Variants in PPARGC1A observed in about 807,000 individuals in gnomAD.
The protein encoded by PPARGC1A is PPARG coactivator 1 alpha, also known as peroxisome proliferator-activated receptor gamma coactivator 1-alpha.
Under a neutral mutation model 88.7 loss-of-function variants are expected in PPARGC1A, and 25 were observed. The observed-to-expected ratio is 0.28, with a 90% CI of 0.21 to 0.39. PPARGC1A has a LOEUF of 0.39. Among genes scored for constraint, PPARGC1A ranks in the 10% least tolerant of loss-of-function variants. PPARGC1A has a pLI of 1.00. For synonymous variants in PPARGC1A, 363 were observed against 355.6 expected (o/e 1.02, Z -0.24); for missense variants, 880 against 968.7 (o/e 0.91, Z 1.22).
the PPARGC1A span, among the ~76,000 whole-genome samples, chr4:24,287,288 T>C: frequency 6.6e-6 from 1 of 151,998 alleles, no homozygotes; most frequent in Non-Finnish European, 1.5e-5. Flanking sequence ...TGGTTTATAA[T>C]GAGTCACAAA....
chr4:24,357,169 CT>C, the PPARGC1A span, among the ~76,000 whole-genome samples: 15 of 152,310 alleles, frequency 9.8e-5, no homozygotes, highest in East Asian at 2.7e-3. Flanking sequence ...CACTGGTTTC[CT>C]TACTCTCTCC....
intron 2 of PPARGC1A, among the ~76,000 whole-genome samples, chr4:23,870,615 G>A (rs1713100030): frequency 6.6e-6 from 1 of 152,090 alleles, no homozygotes. Flanking sequence ...TAAATCATAA[G>A]TAAAGCAAAA....
chr4:24,217,438 G>A, the PPARGC1A span, among the ~76,000 whole-genome samples: 752 of 152,266 alleles, frequency 4.9e-3, 7 homozygotes, highest in African/African-American at 0.017. Context: ...GCCGTTGTTC[G>A]GATGGAAGAG....
chr4:24,355,907 G>T, the PPARGC1A span, among the ~76,000 whole-genome samples: 961 of 152,290 alleles, frequency 6.3e-3, 22 homozygotes, highest in African/African-American at 0.022. Context: ...AAGAGATAAT[G>T]AGTTTACGGC....
the PPARGC1A span, among the ~76,000 whole-genome samples, chr4:24,180,458 G>GAA: frequency 2.6e-5 from 4 of 152,150 alleles, no homozygotes; most frequent in African/African-American, 9.7e-5. Context: ...TACGCTCTGG[G>GAA]AACCATTGTT....
At chr4:24,267,335 G>GT in the PPARGC1A span, among the ~76,000 whole-genome samples, 3 of 152,156 alleles carry the variant, frequency 2.0e-5, no homozygotes, top group Non-Finnish European at 4.4e-5. Flanking sequence ...AATAAAAGGC[G>GT]TAAGCCCCAG....
At chr4:24,391,732 A>G in the PPARGC1A span, among the ~76,000 whole-genome samples, 3 of 152,190 alleles carry the variant, frequency 2.0e-5, no homozygotes, top group African/African-American at 7.2e-5. Flanking sequence ...CGAGGCAGAA[A>G]ACAGCTGCCC....
the PPARGC1A span, among the ~76,000 whole-genome samples, chr4:23,967,972 G>T: frequency 6.6e-6 from 1 of 152,144 alleles, no homozygotes; most frequent in African/African-American, 2.4e-5. Context: ...AGAGGTGAAG[G>T]GAGAGAATGT....
At chr4:24,377,815 A>G in the PPARGC1A span, among the ~76,000 whole-genome samples, 6,780 of 152,308 alleles carry the variant, frequency 0.045, 527 homozygotes, top group African/African-American at 0.16. Context: ...AAATGCTGAC[A>G]TCAGGACACC....
At chr4:24,366,532 C>T in the PPARGC1A span, among the ~76,000 whole-genome samples, 17 of 152,130 alleles carry the variant, frequency 1.1e-4, no homozygotes, top group African/African-American at 3.9e-4. Flanking sequence ...CACAACACAA[C>T]CAACAACAAG....
the PPARGC1A span, among the ~76,000 whole-genome samples, chr4:24,081,429 G>A: frequency 6.6e-6 from 1 of 152,100 alleles, no homozygotes; most frequent in Non-Finnish European, 1.5e-5. Flanking sequence ...GTCTTTTAAA[G>A]TGGTACACAA....
chr4:24,247,816 G>A, the PPARGC1A span, among the ~76,000 whole-genome samples: 1 of 152,072 alleles, frequency 6.6e-6, no homozygotes, highest in Admixed American at 6.5e-5. Flanking sequence ...GAAGAGATTT[G>A]GTGATACAAA....
At chr4:23,994,785 AG>A in the PPARGC1A span, among the ~76,000 whole-genome samples, 12 of 152,166 alleles carry the variant, frequency 7.9e-5, no homozygotes, top group East Asian at 3.9e-4. Context: ...AGGACCCCAA[AG>A]TCCTATCAGA....
At chr4:23,959,216 C>G in the PPARGC1A span, among the ~76,000 whole-genome samples, 13 of 151,952 alleles carry the variant, frequency 8.6e-5, no homozygotes. Flanking sequence ...TCAATGGAGT[C>G]AACATGAGGA....
the PPARGC1A span, among the ~76,000 whole-genome samples, chr4:24,296,020 G>A: frequency 2.0e-5 from 1 of 49,446 alleles, no homozygotes; most frequent in South Asian, 6.5e-4. Context: ...GTATATATAT[G>A]TATATGTGTG....
At chr4:24,026,131 T>C in the PPARGC1A span, among the ~76,000 whole-genome samples, 1 of 152,182 alleles carries the variant, frequency 6.6e-6, no homozygotes, top group Non-Finnish European at 1.5e-5. Flanking sequence ...GATCTGACAG[T>C]CCTGGATCGG....
the PPARGC1A span, among the ~76,000 whole-genome samples, chr4:24,442,383 A>G: frequency 6.6e-6 from 1 of 152,196 alleles, no homozygotes; most frequent in African/African-American, 2.4e-5. Context: ...TTAAAGAGGC[A>G]ATTTATTTTT....
At chr4:24,025,048 C>T in the PPARGC1A span, among the ~76,000 whole-genome samples, 1 of 152,154 alleles carries the variant, frequency 6.6e-6, no homozygotes, top group African/African-American at 2.4e-5. Flanking sequence ...GAGCTAGAAA[C>T]GCACCCTGTT....
At chr4:23,880,557 T>TA (rs1715718957) in intron 2 of PPARGC1A, among the ~76,000 whole-genome samples, 1 of 152,208 alleles carries the variant, frequency 6.6e-6, no homozygotes, top group South Asian at 2.1e-4. Context: ...GATAGGTACA[T>TA]AATATATGTC....
Sources: allele counts gnomAD v4.1 joint callset (sites outside exome capture counted in the v4.1 genomes callset), GRCh38; gene constraint gnomAD v4.1.1; transcripts MANE v1.5; gene names NCBI Gene and HGNC (gene_info 2026-07-23, HGNC 2026-07-21).